Variants in CD163 observed in about 807,000 individuals in gnomAD.
CD163 encodes scavenger receptor cysteine-rich type 1 protein M130.
A neutral mutation model predicts 129.2 loss-of-function variants in CD163; 64 were observed. The observed-to-expected ratio is 0.50, with a 90% CI of 0.41 to 0.61. The LOEUF (loss-of-function observed/expected upper bound fraction) is 0.61, where lower values mean the gene tolerates loss of function less well. CD163 is among the 20% of genes least tolerant of loss of function. The probability of loss-of-function intolerance (pLI) is 0.00; values close to 1 mark genes in which losing one functional copy is unlikely to be tolerated. For missense variants in CD163, 1,061 were observed against 1,377.9 expected (o/e 0.77, Z 3.64); for synonymous variants, 446 against 478.5 (o/e 0.93, Z 0.89).
intron 15 of CD163, 167 bp from the exon 16 acceptor site, chr12:7,480,080 C>G: frequency 7.9e-7 from 1 of 1,262,874 alleles, no homozygotes; most frequent in Non-Finnish European, 1.1e-6. Context: ...CTAAAAACAC[C>G]ACCCATAACT....
At chr12:7,500,959 A>T (rs1391030118) in intron 3 of CD163, among the ~76,000 whole-genome samples, 180 bp downstream of exon 3, 1 of 151,860 alleles carries the variant, frequency 6.6e-6, no homozygotes, top group African/African-American at 2.4e-5. Context: ...AGTGTTCAGA[A>T]TTTTTTTTAT....
intron 6 of CD163, among the ~76,000 whole-genome samples, chr12:7,494,461 G>T (rs374865308): frequency 2.6e-5 from 4 of 152,096 alleles, no homozygotes; most frequent in African/African-American, 9.7e-5. Context: ...ATTCTGTGAG[G>T]TCTCTACATG....
At chr12:7,494,099 T>G (rs1313365090) in intron 6 of CD163, among the ~76,000 whole-genome samples, 2 of 152,202 alleles carry the variant, frequency 1.3e-5, no homozygotes, top group Non-Finnish European at 2.9e-5. Flanking sequence ...TTGTTTGTAT[T>G]TTCTTGTATT....
In CD163 at chr12:7,501,367, T is replaced by G. The variant is rs774091988; in HGVS notation, c.229A>C (p.Asn77His). 4 of 1,613,992 alleles carry G rather than the reference T, an allele frequency of 2.5e-6. No homozygotes were observed. The highest frequency in any genetic ancestry group is 3.4e-6 in the Non-Finnish European group (4 of 1,180,000). Residue 77 changes from asparagine to histidine, a missense_variant, in exon 3 of 17, where the codon AAT (asparagine) becomes CAT (histidine). By Grantham distance (68) the Asn-to-His change is moderately conservative (BLOSUM62 1). Transcript: ENST00000432237. Reference sequence around the variant, plus strand: ...ACCGCTTCCATGCTCCAGCCATTATTACACACCGTTCCCCACTCCTCCTGG... The same window carrying G: ...ACCGCTTCCATGCTCCAGCCATTATGACACACCGTTCCCCACTCCTCCTGG... The part of the protein sequence containing the change: ...KVQEEWGTVC[N>H]NGWSMEAVSV...
At chr12:7,502,394 T>G in intron 2 of CD163, 84 bp downstream of exon 2, 2 of 827,156 alleles carry the variant, frequency 2.4e-6, no homozygotes, top group South Asian at 2.7e-5. Context: ...TAGATGCTAC[T>G]TGGCCTTCAG....
At position 7,487,020 on chromosome 12, in the gene CD163, A is replaced by C; in HGVS notation, c.2051-34T>G. 6.5e-7 allele frequency: 1 copy of C among 1,544,886 alleles called. No individual in the cohort carries two copies. The highest frequency in any genetic ancestry group is 8.9e-7 in the Non-Finnish European group (1 of 1,119,036). On this transcript the variant is annotated intron_variant, in intron 8 of 16. Coordinates refer to ENST00000432237, the MANE Select transcript of CD163 (RefSeq NM_203416.4). The surrounding 1 kb of genome is among the most constrained non-coding windows in gnomAD (Gnocchi z 5.1). ...ACCAAGGTACTCAGTCATACAAGACACAAAAGGTTAGGGGAGTCAGATGAA... is the reference window on the plus strand; with the variant it reads ...ACCAAGGTACTCAGTCATACAAGACCCAAAAGGTTAGGGGAGTCAGATGAA...
chr12:7,476,322 A>G (rs1949086764), intron 16 of CD163, among the ~76,000 whole-genome samples: 1 of 152,218 alleles, frequency 6.6e-6, no homozygotes, highest in African/African-American at 2.4e-5. Context: ...GCATCACGCT[A>G]TCTGACTTCA....
At chr12:7,503,038 A>C (rs1377030782) in intron 1 of CD163, among the ~76,000 whole-genome samples, 2 of 152,214 alleles carry the variant, frequency 1.3e-5, no homozygotes, top group Non-Finnish European at 2.9e-5. Context: ...CATGTTCACC[A>C]TAATTTCACC....
Position 7,487,757 on chromosome 12 carries a change from G to A in CD163, c.1735+16C>T, listed in dbSNP as rs1002744043. ...CACAGTATGAGAACCAATTAAAGAT[G>A]TTTTCTGGGTCTTACTTGAGCAGAC... is the stretch of plus-strand genomic sequence containing the variant. On this transcript the variant is annotated intron_variant, in intron 7 of 16. Transcript: ENST00000432237. This position sits in a 1 kb window ranked among gnomAD's most constrained non-coding sequence, Gnocchi z 5.1. 2.5e-6 allele frequency: 4 copies of A among 1,613,810 alleles called. No homozygotes were observed. Among genetic ancestry groups the A allele is most frequent in the African/African-American group, 1.3e-5 (1 of 74,928 alleles).
chr12:7,503,555 G>T, intron 1 of CD163, 90 bp downstream of exon 1: 1 of 830,984 alleles, frequency 1.2e-6, no homozygotes, highest in Non-Finnish European at 2.0e-6. Context: ...CTCTCCTGAT[G>T]CCAATCACTT....
rs759097871 is a variant in CD163 at position 7,484,157 on chromosome 12, A to C, written c.2780-482T>G. Reference sequence around the variant, plus strand: ...TGGCCTAAAATTTATATTTTTACAAAATTTATCTTTTATAAGAGGACTTGT... The same window carrying C: ...TGGCCTAAAATTTATATTTTTACAACATTTATCTTTTATAAGAGGACTTGT... On this transcript the variant is annotated intron_variant, in intron 11 of 16. Transcript: ENST00000432237. 1.6e-3 allele frequency among the ~76,000 whole-genome samples: 243 copies of C among 152,116 alleles called. 1 individual carries two copies. Among genetic ancestry groups the C allele is most frequent in the African/African-American group, 5.7e-3 (236 of 41,510 alleles).
chr12:7,492,598 G>C lies in CD163; in HGVS notation c.1420+2483C>G, dbSNP rs868245340. ...CAAGAAACAAAACTACAAAAAATCA[G>C]AATATTTGCATGACGTGGATTCTCC... On this transcript the variant is annotated intron_variant, in intron 6 of 16. Coordinates refer to ENST00000432237, the MANE Select transcript of CD163 (RefSeq NM_203416.4). 1.8e-4 allele frequency among the ~76,000 whole-genome samples: 28 copies of C among 152,160 alleles called. No individual in the cohort carries two copies. The Middle Eastern group carries it at 0.014, about 74-fold the overall frequency.
Position 7,487,709 on chromosome 12 carries a change from T to C in CD163, c.1736-36A>G. ...ACAGGGCTTTAGAAAAAGACAGCTA[T>C]GACTCCCTAACCCTGTCCCTTTCAC... On this transcript the variant is annotated intron_variant, in intron 7 of 16. Coordinates refer to ENST00000432237, the MANE Select transcript of CD163 (RefSeq NM_203416.4). The surrounding 1 kb of genome is among the most constrained non-coding windows in gnomAD (Gnocchi z 5.1). 6.2e-7 allele frequency: 1 copy of C among 1,614,132 alleles called. No homozygotes were observed. Among genetic ancestry groups the C allele is most frequent in the Non-Finnish European group, 8.5e-7 (1 of 1,180,008 alleles).
chr12:7,474,907 C>G (rs1056330299), intron 16 of CD163, among the ~76,000 whole-genome samples: 2 of 151,714 alleles, frequency 1.3e-5, no homozygotes, highest in Non-Finnish European at 2.9e-5. Context: ...ACCGCTGATC[C>G]CACAGAAATG....
chr12:7,501,106 T>C (rs1276270170), intron 3 of CD163, 33 bp downstream of exon 3: 1 of 1,591,122 alleles, frequency 6.3e-7, no homozygotes, highest in Non-Finnish European at 8.6e-7. Flanking sequence ...ACCAAGGATT[T>C]TGTGTTGAGG....
chr12:7,486,544 G>T lies in CD163; in HGVS notation c.2413C>A (p.Gln805Lys). ...TCCTCCTTGTGCCTGCAATTTTGCTGCCCCCAGCCGTGTGAATGGCACTGC... is the reference window on the plus strand; with the variant it reads ...TCCTCCTTGTGCCTGCAATTTTGCTTCCCCCAGCCGTGTGAATGGCACTGC... ...IWQCHSHGWG[Q>K]QNCRHKEDAG... Residue 805 changes from glutamine (Q) to lysine (K), a missense_variant, in exon 10 of 17, where the codon CAG (glutamine) becomes AAG (lysine). Coordinates refer to ENST00000432237, the MANE Select transcript of CD163 (RefSeq NM_203416.4). The T allele has an allele frequency of 6.2e-7, 1 of 1,614,166 alleles. No homozygotes were observed. Among genetic ancestry groups the T allele is most frequent in the Non-Finnish European group, 8.5e-7 (1 of 1,180,020 alleles).
chr12:7,494,109 T>C (rs917630667), intron 6 of CD163, among the ~76,000 whole-genome samples: 2 of 152,192 alleles, frequency 1.3e-5, no homozygotes, highest in African/African-American at 4.8e-5. Context: ...TTTCTTGTAT[T>C]TACATGAAAT....
chr12:7,502,493 C>T lies in CD163; in HGVS notation c.118G>A (p.Val40Ile). ...TVVLLLSACFVTSSLGGTDKE... is the reference protein window; with the variant it reads ...TVVLLLSACFITSSLGGTDKE... ...AAGTACTCACCAAGAGAACTGGTGA[C>T]AAAACAGGCACTGAGAAGTAAGACC... The change falls in exon 2 of 17, where the codon GTC becomes ATC. Residue 40 changes from valine to isoleucine, a missense_variant. Val to Ile is a conservative substitution (Grantham distance 29). Transcript: ENST00000432237. 1 of 1,597,978 alleles carries T rather than the reference C, an allele frequency of 6.3e-7. No individual in the cohort carries two copies. The highest frequency in any genetic ancestry group is 1.1e-5 in the South Asian group (1 of 90,734).
rs765416270 is a variant in CD163 at position 7,485,180 on chromosome 12, G to T, written c.2695C>A (p.Pro899Thr). The change falls in exon 11 of 17, where the codon CCT becomes ACT. Residue 899 changes from proline (P) to threonine (T), a missense_variant. Transcript: ENST00000432237. The surrounding 1 kb of genome is among the most constrained non-coding windows in gnomAD (Gnocchi z 4.5). ...WVDNVQCPKG[P>T]DTLWQCPSSP... ...GATGGGCACTGCCACAGCGTGTCAG[G>T]TCCTTTTGGACACTGAACATTGTCC... 1 of 1,614,132 alleles carries T rather than the reference G, an allele frequency of 6.2e-7. No homozygotes were observed. Among genetic ancestry groups the T allele is most frequent in the Non-Finnish European group, 8.5e-7 (1 of 1,179,970 alleles).
Sources: gnomAD v4.1 joint callset for allele counts (sites outside exome capture counted in the v4.1 genomes callset) on GRCh38, gnomAD v4.1.1 for gene constraint, Gnocchi (gnomAD v3.1) non-coding constraint, MANE v1.5 for transcripts, NCBI Gene and HGNC (gene_info 2026-07-23, HGNC 2026-07-21) for gene names.